Variants in ZNF837 observed in about 807,000 individuals in gnomAD.
The protein encoded by ZNF837 is zinc finger protein 837.
For synonymous variants in ZNF837, 475 were observed against 365.2 expected, an observed-to-expected ratio of 1.30 and a Z score of -3.43; for missense variants, 955 against 801.7, an observed-to-expected ratio of 1.19 and a Z score of -2.31.
At chr19:58,371,562 T>A (rs1173897855) in intron 1 of ZNF837, among the ~76,000 whole-genome samples, 2 of 152,246 alleles carry the variant, frequency 1.3e-5, no homozygotes, top group African/African-American at 4.8e-5. Flanking sequence ...CTTTAGACTC[T>A]GAATCCCGGA....
At chr19:58,373,739 G>A (rs955755534) in intron 1 of ZNF837, among the ~76,000 whole-genome samples, 5 of 152,248 alleles carry the variant, frequency 3.3e-5, no homozygotes, top group African/African-American at 9.6e-5. Context: ...ACAGCAGGTG[G>A]ACATGAATCT....
chr19:58,374,599 T>C (rs2052226494), intron 1 of ZNF837, among the ~76,000 whole-genome samples: 2 of 152,082 alleles, frequency 1.3e-5, no homozygotes, highest in South Asian at 4.1e-4. Context: ...GAAATTATAG[T>C]GGTGATGGTT....
chr19:58,368,802 C>A lies in ZNF837; in HGVS notation c.531G>T (p.Pro177=). 6.5e-7 allele frequency: 1 copy of A among 1,545,370 alleles called. No homozygotes were observed. Residue 177 remains proline, a synonymous_variant, in exon 3 of 3, where the codon CCG becomes CCT. Coordinates refer to ENST00000597582, the MANE Select transcript of ZNF837 (RefSeq NM_138466.2). ...CWPCQPGTGA[P]TCPRTPKPTS... Reference sequence around the variant, plus strand: ...TCGGCTTTGGGGTCCTCGGGCAGGTCGGAGCGCCAGTCCCTGGTTGGCACG... The same window carrying A: ...TCGGCTTTGGGGTCCTCGGGCAGGTAGGAGCGCCAGTCCCTGGTTGGCACG...
chr19:58,368,169 C>G lies in ZNF837; in HGVS notation c.1164G>C (p.Glu388Asp), dbSNP rs1291694174. ...LVEHRRVHTG[E>D]KPYACPECGK... ...CGCACTCGGGGCACGCGTAGGGCTT[C>G]TCGCCGGTGTGCACGCGCCGGTGCT... Residue 388 changes from glutamate (E) to aspartate (D), a missense_variant, in exon 3 of 3, where the codon GAG (glutamate) becomes GAC (aspartate). Transcript: ENST00000597582. The G allele has an allele frequency of 8.8e-6, 14 of 1,587,482 alleles. No homozygotes were observed. The South Asian group carries it at 1.5e-4, about 17-fold the overall frequency.
Position 58,369,160 on chromosome 19 carries a change from G to C in ZNF837, c.173C>G (p.Thr58Arg). The change falls in exon 3 of 3, where the codon ACG (threonine) becomes AGG (arginine). Residue 58 changes from threonine to arginine, a missense_variant. Thr to Arg is a moderately conservative substitution (Grantham distance 71, BLOSUM62 -1). Transcript: ENST00000597582. ...CCGGGAGCCCCCGCCTGGGGGAGTC[G>C]TCCTACCGCCCGCCGCTCCACGCAG... ...GDLRGAAGGR[T>R]TPPGGGSRGC... 6.9e-7 allele frequency: 1 copy of C among 1,451,996 alleles called. No individual in the cohort carries two copies. The highest frequency in any genetic ancestry group is 1.4e-5 in the South Asian group (1 of 69,650). The allele number at this position is 1,451,996 out of a possible 1,614,324, so 89.9% of individuals were successfully genotyped here.
Position 58,368,135 on chromosome 19 carries a change from A to G in ZNF837, c.1198T>C (p.Phe400Leu), listed in dbSNP as rs1221904943. The G allele has an allele frequency of 6.3e-7, 1 of 1,587,246 alleles. No homozygotes were observed. Residue 400 changes from phenylalanine (F) to leucine (L), a missense_variant, in exon 3 of 3, where the codon TTC (phenylalanine) becomes CTC (leucine). Phe to Leu is a conservative substitution (Grantham distance 22). Coordinates refer to ENST00000597582, the MANE Select transcript of ZNF837 (RefSeq NM_138466.2). ...CGGCTCAGGTTCGAGCGCTGGTTGA[A>G]GGCCTTGCCGCACTCGGGGCACGCG... ...PYACPECGKA[F>L]NQRSNLSRHQ...
At chr19:58,373,743 T>A (rs1254480703) in intron 1 of ZNF837, among the ~76,000 whole-genome samples, 2 of 152,202 alleles carry the variant, frequency 1.3e-5, no homozygotes. Flanking sequence ...CAGGTGGACA[T>A]GAATCTAACC....
At chr19:58,376,307 C>CTT (rs937846394) in intron 1 of ZNF837, among the ~76,000 whole-genome samples, 1 of 151,990 alleles carries the variant, frequency 6.6e-6, no homozygotes, top group African/African-American at 2.4e-5. Context: ...AATTCCAGCA[C>CTT]TTTGGGAGGC....
intron 1 of ZNF837, among the ~76,000 whole-genome samples, chr19:58,376,554 C>CAA (rs59075587): frequency 2.1e-4 from 14 of 67,796 alleles, no homozygotes; most frequent in African/African-American, 7.1e-4. Flanking sequence ...GACTCTGTCT[C>CAA]AAAAAAAAAA....
chr19:58,377,333 C>T (rs1187573997), intron 1 of ZNF837, among the ~76,000 whole-genome samples: 2 of 151,606 alleles, frequency 1.3e-5, no homozygotes, highest in Non-Finnish European at 2.9e-5. Context: ...GGTGAAATCC[C>T]GTCTCTACTA....
intron 2 of ZNF837, 145 bp from the exon 3 acceptor site, chr19:58,369,506 A>T: frequency 1.7e-6 from 1 of 578,186 alleles, no homozygotes. Flanking sequence ...ATGGAGTGAC[A>T]TAGGCAGCCC....
intron 1 of ZNF837, among the ~76,000 whole-genome samples, chr19:58,372,872 C>T (rs2052213722): frequency 6.6e-6 from 1 of 152,174 alleles, no homozygotes; most frequent in African/African-American, 2.4e-5. Context: ...TTTGAAGCAG[C>T]CAGGCCCGGT....
chr19:58,378,876 C>T (rs1352889222), intron 1 of ZNF837, among the ~76,000 whole-genome samples: 1 of 152,164 alleles, frequency 6.6e-6, no homozygotes, highest in East Asian at 1.9e-4. Context: ...TGCAGCCACA[C>T]TCCAAGGAAC....
chr19:58,367,949 G>T lies in ZNF837; in HGVS notation c.1384C>A (p.Leu462Met). 7 of 1,533,522 alleles carry T rather than the reference G, an allele frequency of 4.6e-6. No individual in the cohort carries two copies. Among genetic ancestry groups the T allele is most frequent in the Non-Finnish European group, 6.1e-6 (7 of 1,144,222 alleles). The allele number at this position is 1,533,522 out of a possible 1,614,324, so 95.0% of individuals were successfully genotyped here. The change falls in exon 3 of 3, where the codon CTG becomes ATG. Residue 462 changes from leucine to methionine, a missense_variant. Transcript: ENST00000597582. ...GAGTGCAGGCGCTCGTGCTGGCGCA[G>T]CTCGGAGCAGCCGCGGAAGGTCTTT... is the stretch of plus-strand genomic sequence containing the variant. ...CGKTFRGCSE[L>M]RQHERLHSGE...
intron 1 of ZNF837, among the ~76,000 whole-genome samples, chr19:58,372,559 C>T (rs1052730818): frequency 6.6e-6 from 1 of 152,128 alleles, no homozygotes; most frequent in South Asian, 2.1e-4. Flanking sequence ...CCCTGGGCCA[C>T]CTGGTGGCCT....
At position 58,367,851 on chromosome 19, in the gene ZNF837, CAGGT is replaced by C. The variant is rs1435130744; in HGVS notation, c.1478_1481del (p.His493ArgfsTer?). On this transcript the variant is annotated frameshift_variant, in exon 3 of 3. Transcript: ENST00000597582. LOFTEE classifies it low-confidence loss of function (END_TRUNC). ...AGGGCCGCTCGCCCGTGTGCGTGCG[CAGGT>C]GGCGCACCAGGCTGCAGTTGCGCAC... 2.0e-6 allele frequency: 3 copies of C among 1,536,080 alleles called. No homozygotes were observed. In the Admixed American group the frequency reaches 5.9e-5, roughly 30 times the overall value.
At position 58,367,885 on chromosome 19, in the gene ZNF837, G is replaced by A; in HGVS notation, c.1448C>T (p.Ala483Val). Residue 483 changes from alanine to valine, a missense_variant, in exon 3 of 3, where the codon GCC becomes GTC. By Grantham distance (64) the Ala-to-Val change is moderately conservative. Coordinates refer to ENST00000597582, the MANE Select transcript of ZNF837 (RefSeq NM_138466.2). ...CACCAGGCTGCAGTTGCGCACGAAGGCCTTGCCGCAGTCGCGGCAGATGTA... is the reference window on the plus strand; with the variant it reads ...CACCAGGCTGCAGTTGCGCACGAAGACCTTGCCGCAGTCGCGGCAGATGTA... ...KPYICRDCGK[A>V]FVRNCSLVRH... 1 of 1,535,664 alleles carries A rather than the reference G, an allele frequency of 6.5e-7. No homozygotes were observed. The highest frequency in any genetic ancestry group is 8.7e-7 in the Non-Finnish European group (1 of 1,144,318).
In ZNF837 at chr19:58,367,735, A is replaced by T. The variant is rs991036659; in HGVS notation, c.*2T>A. ...GACGCGTCGACTCTCGGCTCCCTGC[A>T]GTCAAGGCGCGGCGCGGCCCCCGTG... is the stretch of plus-strand genomic sequence containing the variant. On this transcript the variant is annotated 3_prime_UTR_variant, in exon 3 of 3. Transcript: ENST00000597582. 4.6e-6 allele frequency: 7 copies of T among 1,509,390 alleles called. No individual in the cohort carries two copies. Among genetic ancestry groups the T allele is most frequent in the Non-Finnish European group, 5.3e-6 (6 of 1,135,922 alleles). 93.5% of individuals were successfully genotyped at this position (1,509,390 alleles called of 1,614,324 possible).
At position 58,369,067 on chromosome 19, in the gene ZNF837, C is replaced by T. The variant is rs532804356; in HGVS notation, c.266G>A (p.Arg89Gln). ...AGAAGAGGTGGGGCCGCACGGCTCC[C>T]GCACGAGGGGTCTGGTCCCGGCGCT... The part of the protein sequence containing the change: ...RHSAGTRPLV[R>Q]EPCGPTSSQN... Residue 89 changes from arginine to glutamine, a missense_variant, in exon 3 of 3, where the codon CGG becomes CAG. Arg to Gln is a conservative substitution (Grantham distance 43, BLOSUM62 1). Transcript: ENST00000597582. 1.3e-6 allele frequency: 2 copies of T among 1,520,672 alleles called. No individual in the cohort carries two copies. The highest frequency in any genetic ancestry group is 2.2e-5 in the Admixed American group (1 of 46,074). 94.2% of individuals were successfully genotyped at this position (1,520,672 alleles called of 1,614,324 possible).
Sources: gnomAD v4.1 joint callset for allele counts (sites outside exome capture counted in the v4.1 genomes callset) on GRCh38, gnomAD v4.1.1 for gene constraint, MANE v1.5 for transcripts, NCBI Gene and HGNC (gene_info 2026-07-23, HGNC 2026-07-21) for gene names.